The following NALF1 variants were observed in gnomAD, a reference collection of about 807,000 sequenced individuals.
NALF1 encodes the protein NALCN channel auxiliary factor 1.
A neutral mutation model predicts 48.4 loss-of-function variants in NALF1; 3 were observed. The observed-to-expected ratio is 0.06, with a 90% CI of 0.03 to 0.16. NALF1 has a LOEUF of 0.16. Among genes scored for constraint, NALF1 ranks in the 10% least tolerant of loss-of-function variants. NALF1 has a pLI of 1.00. For missense variants in NALF1, 526 were observed against 571.5 expected, an observed-to-expected ratio of 0.92 and a Z score of 0.81; for synonymous variants, 262 against 245.7, an observed-to-expected ratio of 1.07 and a Z score of -0.62.
chr13:107,285,686 T>C (rs1881479285), intron 1 of NALF1, among the ~76,000 whole-genome samples: 2 of 152,102 alleles, frequency 1.3e-5, no homozygotes, highest in South Asian at 4.2e-4. Context: ...AGAGGATGCA[T>C]GTAGTATACA....
intron 1 of NALF1, among the ~76,000 whole-genome samples, chr13:107,645,391 C>T (rs1330960868): frequency 6.6e-6 from 1 of 152,048 alleles, no homozygotes; most frequent in Non-Finnish European, 1.5e-5. Flanking sequence ...CTTTTCATCC[C>T]CAGAATCTGT....
chr13:107,377,947 C>G (rs1224921165), intron 1 of NALF1, among the ~76,000 whole-genome samples: 1 of 151,960 alleles, frequency 6.6e-6, no homozygotes, highest in Non-Finnish European at 1.5e-5. Flanking sequence ...TTATAATATT[C>G]CTCTCTCAAA....
intron 1 of NALF1, among the ~76,000 whole-genome samples, chr13:107,630,748 AT>A (rs1879814505): frequency 3.1e-5 from 1 of 32,706 alleles, no homozygotes; most frequent in Non-Finnish European, 1.2e-4. Context: ...TTTGTAAAAT[AT>A]ATATATATAT....
intron 1 of NALF1, among the ~76,000 whole-genome samples, chr13:107,434,023 A>G (rs1884424731): frequency 6.6e-6 from 1 of 152,206 alleles, no homozygotes; most frequent in Non-Finnish European, 1.5e-5. Context: ...AGGAGGCTGT[A>G]ATAGAAGATC....
chr13:107,850,560 C>T (rs112094953), intron 1 of NALF1, among the ~76,000 whole-genome samples: 1 of 152,158 alleles, frequency 6.6e-6, no homozygotes, highest in African/African-American at 2.4e-5. Flanking sequence ...TACTCTAACT[C>T]ATTTCATAAT....
At chr13:107,237,093 T>C in intron 1 of NALF1, among the ~76,000 whole-genome samples, 1 of 10,310 alleles carries the variant, frequency 9.7e-5, no homozygotes, top group East Asian at 1.0e-3. Context: ...TATGTGGTTT[T>C]TTTTTTTTTT....
chr13:107,323,548 A>G (rs1485955398), intron 1 of NALF1, among the ~76,000 whole-genome samples: 1 of 151,900 alleles, frequency 6.6e-6, no homozygotes, highest in Non-Finnish European at 1.5e-5. Flanking sequence ...CACAAATCTG[A>G]TCAACTTCCT....
intron 1 of NALF1, among the ~76,000 whole-genome samples, chr13:107,590,296 C>T (rs1208630106): frequency 6.6e-6 from 1 of 151,898 alleles, no homozygotes; most frequent in Admixed American, 6.6e-5. Flanking sequence ...GAAATGAGTT[C>T]ATTAACTTCT....
intron 1 of NALF1, among the ~76,000 whole-genome samples, chr13:107,749,438 C>T (rs34756811): frequency 0.2 from 30,316 of 151,594 alleles, 3,762 homozygotes; most frequent in African/African-American, 0.36. Flanking sequence ...ATGTTCCAGG[C>T]GCCACGTAGA....
intron 1 of NALF1, among the ~76,000 whole-genome samples, chr13:107,664,212 G>T (rs1436652893): frequency 2.0e-5 from 3 of 152,100 alleles, no homozygotes; most frequent in Non-Finnish European, 4.4e-5. Context: ...CTAATGAATA[G>T]CCTCTACACT....
At chr13:107,333,871 C>T (rs1025595441) in intron 1 of NALF1, among the ~76,000 whole-genome samples, 6 of 152,134 alleles carry the variant, frequency 3.9e-5, no homozygotes, top group Admixed American at 2.6e-4. Context: ...ATTTTCCTTG[C>T]TATTCACAAA....
intron 1 of NALF1, among the ~76,000 whole-genome samples, chr13:107,800,100 T>C (rs1202914768): frequency 6.6e-6 from 1 of 152,148 alleles, no homozygotes; most frequent in Non-Finnish European, 1.5e-5. Context: ...AAGGAGCATG[T>C]AGTTGATAAT....
At chr13:107,237,740 A>T (rs1347470248) in intron 1 of NALF1, among the ~76,000 whole-genome samples, 3 of 152,198 alleles carry the variant, frequency 2.0e-5, no homozygotes, top group Non-Finnish European at 2.9e-5. Context: ...AGTTGAATTC[A>T]AAGATGGATG....
intron 1 of NALF1, among the ~76,000 whole-genome samples, chr13:107,432,215 A>G (rs528891558): frequency 3.4e-4 from 51 of 152,218 alleles, no homozygotes; most frequent in African/African-American, 1.2e-3. Flanking sequence ...TTAAACAACC[A>G]GGTCTCTGGA....
chr13:107,597,016 T>G (rs992913459), intron 1 of NALF1, among the ~76,000 whole-genome samples: 1 of 152,176 alleles, frequency 6.6e-6, no homozygotes, highest in East Asian at 1.9e-4. Context: ...GCAACTCTAT[T>G]TCCCCTGCTT....
intron 1 of NALF1, among the ~76,000 whole-genome samples, chr13:107,573,110 G>A (rs957179137): frequency 6.6e-6 from 1 of 152,112 alleles, no homozygotes; most frequent in Non-Finnish European, 1.5e-5. Context: ...TCCTGTCTGT[G>A]AAACGACCTC....
At chr13:107,431,437 ACAAATAATTTGTTCTCCTTGCCTAATG>A (rs1364031809) in intron 1 of NALF1, among the ~76,000 whole-genome samples, 8 of 152,212 alleles carry the variant, frequency 5.3e-5, no homozygotes, top group African/African-American at 1.9e-4. Flanking sequence ...AATTTGGACA[ACAAATAATTTGTTCTCCTTGCCTAATG>A]CCATGATGCC....
rs79386319 is a variant in NALF1 at position 107,571,229 on chromosome 13, A to G, written c.915+294453T>C. ...TTCATAATAACTCCTTTTTGACCAT[A>G]CCTGAATTTATACTAATCAGGTGAC... is the stretch of plus-strand genomic sequence containing the variant. On this transcript the variant is annotated intron_variant, in intron 1 of 2. Coordinates refer to ENST00000375915, the MANE Select transcript of NALF1 (RefSeq NM_001080396.3). Among the ~76,000 whole-genome samples, 306 of 152,244 alleles carry G rather than the reference A, an allele frequency of 2.0e-3. 1 individual carries two copies. The highest frequency in any genetic ancestry group is 7.0e-3 in the African/African-American group (291 of 41,550).
chr13:107,778,319 A>C (rs1483116665), intron 1 of NALF1, among the ~76,000 whole-genome samples: 1 of 152,236 alleles, frequency 6.6e-6, no homozygotes, highest in Non-Finnish European at 1.5e-5. Flanking sequence ...CCATGTTTTA[A>C]GAAGGAATTT....
Sources: allele counts gnomAD v4.1 joint callset (sites outside exome capture counted in the v4.1 genomes callset), GRCh38; gene constraint gnomAD v4.1.1; transcripts MANE v1.5; gene names NCBI Gene and HGNC (gene_info 2026-07-23, HGNC 2026-07-21).